CTNNA3: variants seen among roughly 807,000 people sequenced by gnomAD.
CTNNA3 encodes catenin alpha 3.
Under a neutral mutation model 95.7 loss-of-function variants are expected in CTNNA3, and 76 were observed. That is an observed-to-expected ratio of 0.79 (90% CI 0.66 to 0.96). The LOEUF is 0.96. Ranked by LOEUF, CTNNA3 falls within the 40% of genes least tolerant of loss-of-function variation. The pLI is 0.00. For missense variants in CTNNA3, 1,191 were observed against 1,089.8 expected, an observed-to-expected ratio of 1.09 and a Z score of -1.31; for synonymous variants, 431 against 374.4, an observed-to-expected ratio of 1.15 and a Z score of -1.74.
intron 2 of CTNNA3, among the ~76,000 whole-genome samples, chr10:67,614,524 G>A (rs1843585298): frequency 6.6e-6 from 1 of 152,166 alleles, no homozygotes; most frequent in African/African-American, 2.4e-5. Context: ...GGCAACCTAC[G>A]TCACAATAAG....
intron 7 of CTNNA3, among the ~76,000 whole-genome samples, chr10:67,009,195 T>C (rs1852180695): frequency 1.3e-5 from 2 of 152,274 alleles, no homozygotes; most frequent in South Asian, 4.1e-4. Flanking sequence ...TTCAGGAATT[T>C]ATCTTCTACT....
At chr10:66,921,019 C>T (rs554468979) in intron 7 of CTNNA3, among the ~76,000 whole-genome samples, 38 of 152,260 alleles carry the variant, frequency 2.5e-4, no homozygotes, top group Non-Finnish European at 5.0e-4. Context: ...GTCTGTGCTT[C>T]TATAAACAAA....
At chr10:67,553,002 C>G (rs1841089630) in intron 3 of CTNNA3, among the ~76,000 whole-genome samples, 1 of 152,046 alleles carries the variant, frequency 6.6e-6, no homozygotes, top group Non-Finnish European at 1.5e-5. Flanking sequence ...ACCACCCAAT[C>G]TCTTTCATTG....
At chr10:67,488,709 A>T (rs1589349019) in intron 5 of CTNNA3, among the ~76,000 whole-genome samples, 1 of 132,030 alleles carries the variant, frequency 7.6e-6, no homozygotes, top group East Asian at 2.3e-4. Flanking sequence ...CCCTTCTGTC[A>T]CCTAGGCTGG....
intron 5 of CTNNA3, among the ~76,000 whole-genome samples, chr10:67,313,644 C>T (rs1840916189): frequency 1.3e-5 from 2 of 151,906 alleles, no homozygotes; most frequent in East Asian, 1.9e-4. Flanking sequence ...ATTAGTGGAG[C>T]GTATGAGACC....
chr10:66,172,074 C>T, intron 13 of CTNNA3, among the ~76,000 whole-genome samples: 1 of 152,104 alleles, frequency 6.6e-6, no homozygotes, highest in East Asian at 1.9e-4. Flanking sequence ...CTTCACAGTA[C>T]TTTGCTTGTC....
chr10:66,636,796 A>G (rs1017388658), intron 9 of CTNNA3, among the ~76,000 whole-genome samples: 1 of 152,308 alleles, frequency 6.6e-6, no homozygotes, highest in East Asian at 1.9e-4. Context: ...AAAAGAAGAG[A>G]AGATGGGGAA....
chr10:66,671,527 T>A (rs982219195), intron 9 of CTNNA3, among the ~76,000 whole-genome samples: 19 of 152,224 alleles, frequency 1.2e-4, no homozygotes, highest in Admixed American at 1.2e-3. Flanking sequence ...TTTGAAAGAA[T>A]GAAAATGGCC....
intron 11 of CTNNA3, among the ~76,000 whole-genome samples, chr10:66,507,898 C>A (rs1840507961): frequency 6.6e-6 from 1 of 151,942 alleles, no homozygotes; most frequent in Non-Finnish European, 1.5e-5. Flanking sequence ...TATGGTGGCT[C>A]TGTTTTTAGC....
At chr10:66,272,917 T>C (rs1221236090) in intron 13 of CTNNA3, among the ~76,000 whole-genome samples, 1 of 152,150 alleles carries the variant, frequency 6.6e-6, no homozygotes, top group Non-Finnish European at 1.5e-5. Context: ...TCCATTTCTG[T>C]CTTCCACCCA....
intron 5 of CTNNA3, among the ~76,000 whole-genome samples, chr10:67,506,567 C>T (rs899868545): frequency 1.3e-5 from 2 of 152,212 alleles, no homozygotes; most frequent in Admixed American, 1.3e-4. Context: ...CTGTTTAAAG[C>T]TCTGCTGTAA....
intron 7 of CTNNA3, among the ~76,000 whole-genome samples, chr10:66,828,664 C>T (rs1224443212): frequency 2.6e-5 from 4 of 152,134 alleles, no homozygotes; most frequent in East Asian, 3.9e-4. Flanking sequence ...TATTTTAAAA[C>T]GCTTAAGTGT....
At chr10:67,103,190 A>G (rs918323048) in intron 7 of CTNNA3, among the ~76,000 whole-genome samples, 2 of 151,890 alleles carry the variant, frequency 1.3e-5, no homozygotes, top group African/African-American at 4.8e-5. Flanking sequence ...TTCCTAAATC[A>G]TTCAATTGCT....
At position 66,583,290 on chromosome 10, in the gene CTNNA3, G is replaced by A. The variant is rs528224735; in HGVS notation, c.1374+38402C>T. On this transcript the variant is annotated intron_variant, in intron 10 of 17. Transcript: ENST00000433211. ...TGGACTGTTTTTGTTTGTTTGCAGTGTTTTGGTTTTTGTTGTTGTTGTTGT... is the reference window on the plus strand; with the variant it reads ...TGGACTGTTTTTGTTTGTTTGCAGTATTTTGGTTTTTGTTGTTGTTGTTGT... Among the ~76,000 whole-genome samples the A allele has an allele frequency of 1.5e-3, 144 of 94,568 alleles. 1 individual carries two copies. Among genetic ancestry groups the A allele is most frequent in the African/African-American group, 5.6e-3 (140 of 24,856 alleles). The allele number at this position is 94,568 out of a possible 152,430, so 62.0% of individuals were successfully genotyped here.
intron 12 of CTNNA3, among the ~76,000 whole-genome samples, chr10:66,318,292 G>A (rs1474386587): frequency 2.6e-5 from 4 of 151,640 alleles, no homozygotes; most frequent in East Asian, 1.9e-4. Flanking sequence ...GTGTGTGTGT[G>A]TGTGTGTGTG....
intron 2 of CTNNA3, among the ~76,000 whole-genome samples, chr10:67,609,974 A>G (rs1327977075): frequency 1.3e-5 from 2 of 152,246 alleles, no homozygotes; most frequent in East Asian, 1.9e-4. Context: ...ACAAATTCCA[A>G]AAGGCAAATA....
chr10:67,261,925 T>A (rs1449850497), intron 5 of CTNNA3, among the ~76,000 whole-genome samples: 1 of 152,152 alleles, frequency 6.6e-6, no homozygotes, highest in South Asian at 2.1e-4. Flanking sequence ...GTTGGATATG[T>A]TTTTTAAAAT....
chr10:66,735,932 G>A (rs1012873488), intron 9 of CTNNA3, among the ~76,000 whole-genome samples: 1 of 152,152 alleles, frequency 6.6e-6, no homozygotes, highest in Non-Finnish European at 1.5e-5. Flanking sequence ...CATTCCATGT[G>A]TCCCTCTCCA....
chr10:66,401,281 C>G (rs940843254), intron 11 of CTNNA3, among the ~76,000 whole-genome samples: 1 of 152,024 alleles, frequency 6.6e-6, no homozygotes, highest in Non-Finnish European at 1.5e-5. Context: ...AATCCCAGCA[C>G]GCTGGGAGGC....
Sources: allele counts gnomAD v4.1 joint callset (sites outside exome capture counted in the v4.1 genomes callset), GRCh38; gene constraint gnomAD v4.1.1; transcripts MANE v1.5; gene names NCBI Gene and HGNC (gene_info 2026-07-23, HGNC 2026-07-21).